SEC62: variants seen among roughly 807,000 people sequenced by gnomAD.
SEC62 encodes translocation protein SEC62.
In SEC62, 10 loss-of-function variants were observed where a neutral mutation model predicts 47.5. The observed-to-expected ratio is 0.21, with a 90% CI of 0.13 to 0.36. The LOEUF (loss-of-function observed/expected upper bound fraction) is 0.36. SEC62 is among the 10% of genes least tolerant of loss of function. SEC62 has a pLI of 1.00. For synonymous variants in SEC62, 136 were observed against 150.5 expected (o/e 0.90, Z 0.71); for missense variants, 327 against 464.1 (o/e 0.70, Z 2.71).
chr3:169,985,408 A>G (rs1715080243), intron 5 of SEC62: 1 of 153,798 alleles, frequency 6.5e-6, no homozygotes, highest in Non-Finnish European at 1.4e-5. Context: ...CACCTGGCTA[A>G]TTTTTGTATT....
At chr3:169,972,624 G>A (rs1162630284) in intron 1 of SEC62, among the ~76,000 whole-genome samples, 1 of 116,144 alleles carries the variant, frequency 8.6e-6, no homozygotes, top group Admixed American at 1.0e-4. Flanking sequence ...GTTTCACCAT[G>A]TTGCCCAGGC....
intron 1 of SEC62, among the ~76,000 whole-genome samples, chr3:169,971,345 T>C (rs1714694065): frequency 1.3e-5 from 2 of 152,142 alleles, no homozygotes; most frequent in African/African-American, 4.8e-5. Flanking sequence ...TGGTGGGGAT[T>C]ACAGGGATGA....
rs1352920986 is a variant in SEC62 at position 169,992,897 on chromosome 3, G to A, written c.1034G>A (p.Ser345Asn). Reference protein sequence around the residue: ...SGGERHSDTDSDRREDDRSQH... With the variant: ...SGGERHSDTDNDRREDDRSQH... ...GGAGAACGGCATTCAGACACGGACA[G>A]TGACAGGAGGGAAGATGATCGATCC... Residue 345 changes from serine (S) to asparagine (N), a missense_variant, in exon 8 of 8, where the codon AGT becomes AAT. Ser to Asn is a conservative substitution (Grantham distance 46). Transcript: ENST00000337002. This position sits in a 1 kb window ranked among gnomAD's most constrained non-coding sequence, Gnocchi z 4.0. 6.2e-7 allele frequency: 1 copy of A among 1,614,050 alleles called. No homozygotes were observed. The highest frequency in any genetic ancestry group is 1.7e-5 in the Admixed American group (1 of 59,988).
At chr3:169,983,295 A>T in intron 5 of SEC62, 42 bp downstream of exon 5, 1 of 1,383,688 alleles carries the variant, frequency 7.2e-7, no homozygotes, top group Non-Finnish European at 9.9e-7. Context: ...TTTCTATAGG[A>T]GTTTTTAGAA....
intron 4 of SEC62, 51 bp downstream of exon 4, chr3:169,982,962 GAACACTA>G: frequency 6.5e-7 from 1 of 1,544,602 alleles, no homozygotes; most frequent in Non-Finnish European, 8.6e-7. Context: ...ATGTGCACAT[GAACACTA>G]CTGGCCTATG....
intron 7 of SEC62, among the ~76,000 whole-genome samples, chr3:169,988,581 TA>T (rs1372205253): frequency 6.6e-6 from 1 of 152,210 alleles, no homozygotes; most frequent in Non-Finnish European, 1.5e-5. Context: ...TTAATAAGAT[TA>T]TTTTTTATTG....
chr3:169,988,579 A>T (rs1167490631), intron 7 of SEC62, among the ~76,000 whole-genome samples: 1 of 152,106 alleles, frequency 6.6e-6, no homozygotes, highest in Non-Finnish European at 1.5e-5. Flanking sequence ...TTTTAATAAG[A>T]TTATTTTTTA....
chr3:169,996,080 A>G lies in SEC62; in HGVS notation c.*3017A>G, dbSNP rs1189736713. ...ACGTTTATAGTATGAAAGCTGGAACATGGCCTTGTTCAACCTCAGCTCAGA... is the reference window on the plus strand; with the variant it reads ...ACGTTTATAGTATGAAAGCTGGAACGTGGCCTTGTTCAACCTCAGCTCAGA... On this transcript the variant is annotated 3_prime_UTR_variant, in exon 8 of 8. Coordinates refer to ENST00000337002, the MANE Select transcript of SEC62 (RefSeq NM_003262.4). 2 of 152,260 alleles carry G rather than the reference A, an allele frequency of 1.3e-5. No individual in the cohort carries two copies. Among genetic ancestry groups the G allele is most frequent in the Admixed American group, 6.5e-5 (1 of 15,284 alleles). 9.4% of individuals were successfully genotyped at this position (152,260 alleles called of 1,614,324 possible).
intron 7 of SEC62, among the ~76,000 whole-genome samples, chr3:169,988,702 C>G (rs1372152854): frequency 1.3e-5 from 2 of 151,984 alleles, no homozygotes; most frequent in Non-Finnish European, 2.9e-5. Flanking sequence ...TATTGATCAC[C>G]TTTCTTGCCT....
intron 3 of SEC62, chr3:169,978,567 A>C (rs1352084127): frequency 6.6e-6 from 1 of 151,804 alleles, no homozygotes; most frequent in African/African-American, 2.4e-5. Flanking sequence ...CTCTACTAAA[A>C]ATACAAAAAT....
At chr3:169,972,239 C>T (rs1714715961) in intron 1 of SEC62, among the ~76,000 whole-genome samples, 1 of 152,164 alleles carries the variant, frequency 6.6e-6, no homozygotes, top group Admixed American at 6.5e-5. Context: ...CCTTGCCTAC[C>T]TTGATGACTA....
At chr3:169,966,923 C>T (rs1170578022) in intron 1 of SEC62, 65 bp downstream of exon 1, 3 of 1,525,226 alleles carry the variant, frequency 2.0e-6, no homozygotes, top group Admixed American at 2.0e-5. Flanking sequence ...GCGGGGAAAG[C>T]CCCCTAAAAG....
At position 169,975,341 on chromosome 3, in the gene SEC62, A is replaced by G. The variant is rs6805158; in HGVS notation, c.37-267A>G. On this transcript the variant is annotated intron_variant, in intron 1 of 7. Coordinates refer to ENST00000337002, the MANE Select transcript of SEC62 (RefSeq NM_003262.4). ...AGTGAACTGGTACAAAGTAGTTACC[A>G]TTGTGGAAAAAACAACTCAAATGCC... 410 of 289,070 alleles carry G rather than the reference A, an allele frequency of 1.4e-3. 2 individuals are homozygous for G. The highest frequency in any genetic ancestry group is 6.6e-3 in the African/African-American group (303 of 46,114). 17.9% of individuals were successfully genotyped at this position (289,070 alleles called of 1,614,324 possible). A position where few individuals can be genotyped will look rare whatever the true frequency, so the allele number is the denominator to read the frequency against.
In SEC62 at chr3:169,966,849, G is replaced by A. The variant is rs770118827; in HGVS notation, c.27G>A (p.Lys9=). 134 of 1,556,456 alleles carry A rather than the reference G, an allele frequency of 8.6e-5. No individual in the cohort carries two copies. Among genetic ancestry groups the A allele is most frequent in the Non-Finnish European group, 1.1e-4 (131 of 1,149,872 alleles). ...TGGCGGAACGCAGGAGACACAAGAA[G>A]CGGATCCAGGTAGCAAAGCCGAGCT... The part of the protein sequence containing the change: MAERRRHK[K]RIQEVGEPSK... Residue 9 remains lysine, a synonymous_variant, in exon 1 of 8, where the codon AAG becomes AAA. Transcript: ENST00000337002.
intron 3 of SEC62, among the ~76,000 whole-genome samples, chr3:169,981,379 A>T (rs1482922511): frequency 6.6e-6 from 1 of 152,192 alleles, no homozygotes; most frequent in African/African-American, 2.4e-5. Context: ...GCTTCAGGGG[A>T]CTGAACACAG....
chr3:169,986,206 G>GA (rs973679537), intron 6 of SEC62, among the ~76,000 whole-genome samples: 2 of 152,056 alleles, frequency 1.3e-5, no homozygotes, highest in African/African-American at 4.8e-5. Context: ...AAAGGTCTTA[G>GA]AAAAAAATCA....
At chr3:169,973,096 A>G (rs1714740987) in intron 1 of SEC62, among the ~76,000 whole-genome samples, 2 of 152,182 alleles carry the variant, frequency 1.3e-5, no homozygotes, top group Non-Finnish European at 2.9e-5. Context: ...TTACTTTTTC[A>G]GATGTATGGA....
Position 169,977,041 on chromosome 3 carries a change from T to C in SEC62, c.241T>C (p.Tyr81His), listed in dbSNP as rs778250141. The C allele has an allele frequency of 4.4e-6, 7 of 1,605,134 alleles. No homozygotes were observed. The South Asian group carries it at 4.4e-5, about 10-fold the overall frequency. Reference protein sequence around the residue: ...LFTTRESVVDYCNRLLKKQFF... With the variant: ...LFTTRESVVDHCNRLLKKQFF... ...TACAACCAGGGAGTCTGTGGTTGAC[T>C]ACTGCAACAGGTACTGTTTATTTCT... The change falls in exon 3 of 8, where the codon TAC becomes CAC. Residue 81 changes from tyrosine (Y) to histidine (H), a missense_variant. By Grantham distance (83) the Tyr-to-His change is moderately conservative (BLOSUM62 2). Coordinates refer to ENST00000337002, the MANE Select transcript of SEC62 (RefSeq NM_003262.4).
intron 2 of SEC62, among the ~76,000 whole-genome samples, chr3:169,976,239 A>C (rs1378151155): frequency 6.6e-6 from 1 of 152,130 alleles, no homozygotes; most frequent in African/African-American, 2.4e-5. Context: ...TCTACAAAAA[A>C]ATTAGATGAG....
Sources: gnomAD v4.1 joint callset for allele counts (sites outside exome capture counted in the v4.1 genomes callset) on GRCh38, gnomAD v4.1.1 for gene constraint, Gnocchi (gnomAD v3.1) non-coding constraint, MANE v1.5 for transcripts, NCBI Gene and HGNC (gene_info 2026-07-23, HGNC 2026-07-21) for gene names.